The following SMIM36 variants were observed in gnomAD, a reference collection of about 807,000 sequenced individuals.
SMIM36 encodes the protein small integral membrane protein 36.
chr17:55,486,959 G>A (rs543500866), intron 1 of SMIM36, among the ~76,000 whole-genome samples: 1 of 152,314 alleles, frequency 6.6e-6, no homozygotes, highest in Non-Finnish European at 1.5e-5. Flanking sequence ...ACAAATGTGT[G>A]TTGAGCGCAG....
At chr17:55,492,261 T>TG (rs1909722491) in intron 1 of SMIM36, among the ~76,000 whole-genome samples, 1 of 143,040 alleles carries the variant, frequency 7.0e-6, no homozygotes, top group African/African-American at 2.7e-5. Flanking sequence ...TTTTTTTTTT[T>TG]GAGACAGAGT....
chr17:55,523,400 C>G, the SMIM36 span, among the ~76,000 whole-genome samples: 1 of 151,876 alleles, frequency 6.6e-6, no homozygotes, highest in Admixed American at 6.6e-5. Flanking sequence ...CATGGTGGCA[C>G]GCACCTGTAG....
chr17:55,514,524 A>T (rs532274096), upstream of SMIM36, among the ~76,000 whole-genome samples: 1 of 152,346 alleles, frequency 6.6e-6, no homozygotes, highest in East Asian at 1.9e-4. Flanking sequence ...AGGCAGTGGA[A>T]TTGAATGAGC....
intron 3 of SMIM36, among the ~76,000 whole-genome samples, chr17:55,472,877 A>G (rs1909364150): frequency 7.1e-6 from 1 of 141,728 alleles, no homozygotes; most frequent in Non-Finnish European, 1.5e-5. Context: ...AAAAAAAAAA[A>G]AAAAGAAAAG....
At chr17:55,516,625 C>G in the SMIM36 span, among the ~76,000 whole-genome samples, 2 of 139,276 alleles carry the variant, frequency 1.4e-5, no homozygotes, top group African/African-American at 5.6e-5. Flanking sequence ...ATGGCACAGT[C>G]TTGGCTCACT....
chr17:55,491,461 G>A (rs1598454413), intron 1 of SMIM36, among the ~76,000 whole-genome samples: 2 of 152,268 alleles, frequency 1.3e-5, no homozygotes, highest in East Asian at 3.9e-4. Flanking sequence ...TAGGGCAGCT[G>A]CTGCTCCAAA....
chr17:55,458,557 G>T (rs538334256), intron 4 of SMIM36: 1 of 150,800 alleles, frequency 6.6e-6, no homozygotes, highest in African/African-American at 2.4e-5. Context: ...TATAATAACC[G>T]TTCTCCACCC....
chr17:55,466,553 C>G lies in SMIM36; in HGVS notation c.*531+592G>C, dbSNP rs148877805. ...ACAAGTCCAGACATCATATTCCTTT[C>G]CTCTTGGAGTTCTCAAGCACAGAAC... On this transcript the variant is annotated intron_variant, in intron 4 of 4. Transcript: ENST00000636752. Among the ~76,000 whole-genome samples, 13 of 152,314 alleles carry G rather than the reference C, an allele frequency of 8.5e-5. No homozygotes were observed. In the East Asian group the frequency reaches 2.3e-3, roughly 27 times the overall value.
intron 1 of SMIM36, among the ~76,000 whole-genome samples, chr17:55,497,310 G>T (rs1420007203): frequency 6.6e-6 from 1 of 151,942 alleles, no homozygotes; most frequent in Non-Finnish European, 1.5e-5. Flanking sequence ...TGTTGCCCAG[G>T]CTGGAGTGCA....
chr17:55,522,714 C>T, the SMIM36 span, among the ~76,000 whole-genome samples: 12 of 152,248 alleles, frequency 7.9e-5, no homozygotes, highest in Non-Finnish European at 1.5e-4. Context: ...TCACCTCCAT[C>T]CCTGGGCCAC....
rs1300083753 is a variant in SMIM36, at chr17:55,494,579, CAAG to C, written c.*175-15002_*175-15000del. On this transcript the variant is annotated intron_variant, in intron 1 of 4. Coordinates refer to ENST00000636752, the Ensembl canonical transcript of SMIM36. ...GAGCCGGTCTTCAAAGTGAGGGGTA[CAAG>C]AAGATTCAAATAATGTACATATAAT... 4.0e-5 allele frequency among the ~76,000 whole-genome samples: 6 copies of C among 151,888 alleles called. No individual in the cohort carries two copies. In the South Asian group the frequency reaches 1.0e-3, roughly 26 times the overall value.
At chr17:55,492,304 G>A (rs1294581896) in intron 1 of SMIM36, among the ~76,000 whole-genome samples, 2 of 133,314 alleles carry the variant, frequency 1.5e-5, no homozygotes, top group African/African-American at 2.9e-5. Context: ...TTGCAATGGC[G>A]CGACCTTGGC....
At chr17:55,526,041 G>C in the SMIM36 span, among the ~76,000 whole-genome samples, 13 of 152,154 alleles carry the variant, frequency 8.5e-5, no homozygotes, top group Non-Finnish European at 1.5e-4. Context: ...GGCCAACAAG[G>C]CCATTCTAAT....
chr17:55,470,929 C>A (rs957836051), intron 3 of SMIM36, among the ~76,000 whole-genome samples: 9 of 152,148 alleles, frequency 5.9e-5, no homozygotes, highest in Non-Finnish European at 1.3e-4. Context: ...ACAACTCCCC[C>A]ATCCTACCCG....
the SMIM36 span, among the ~76,000 whole-genome samples, chr17:55,529,976 C>T: frequency 6.6e-6 from 1 of 152,214 alleles, no homozygotes; most frequent in East Asian, 1.9e-4. Context: ...CATCATCGTT[C>T]ATAGAAGATG....
At chr17:55,484,177 A>T (rs1909567979) in intron 1 of SMIM36, among the ~76,000 whole-genome samples, 2 of 152,234 alleles carry the variant, frequency 1.3e-5, no homozygotes, top group Admixed American at 6.5e-5. Context: ...ACTCAAAAAA[A>T]TTAATAAATT....
chr17:55,451,130 TCTC>T (rs1200660173), intron 4 of SMIM36, among the ~76,000 whole-genome samples: 23 of 152,154 alleles, frequency 1.5e-4, no homozygotes, highest in African/African-American at 4.8e-4. Context: ...CATAATCCGC[TCTC>T]CTCAGCCTCC....
chr17:55,526,530 A>G, the SMIM36 span, among the ~76,000 whole-genome samples: 13 of 152,116 alleles, frequency 8.5e-5, no homozygotes, highest in Admixed American at 6.5e-5. Context: ...CAGTTTGTCC[A>G]CTATAACACA....
chr17:55,501,942 C>G (rs1423066731), intron 1 of SMIM36, among the ~76,000 whole-genome samples: 15 of 147,968 alleles, frequency 1.0e-4, no homozygotes, highest in African/African-American at 3.5e-4. Context: ...GTTCCCTTTC[C>G]GAGTCAAAGA....
Sources: gnomAD v4.1 joint callset for allele counts (sites outside exome capture counted in the v4.1 genomes callset) on GRCh38, gnomAD v4.1.1 for gene constraint, MANE v1.5 for transcripts, NCBI Gene and HGNC (gene_info 2026-07-23, HGNC 2026-07-21) for gene names.